NFAT5: variants seen among roughly 807,000 people sequenced by gnomAD.
The protein encoded by NFAT5 is nuclear factor of activated T cells 5.
In NFAT5, 31 loss-of-function variants were observed where a neutral mutation model predicts 166.5. The observed-to-expected ratio is 0.19, with a 90% CI of 0.14 to 0.25. The LOEUF (loss-of-function observed/expected upper bound fraction) is 0.25. Among genes scored for constraint, NFAT5 ranks in the 10% least tolerant of loss-of-function variants. NFAT5 has a pLI of 1.00. For synonymous variants in NFAT5, 612 were observed against 639.7 expected (o/e 0.96, Z 0.65); for missense variants, 1,449 against 1,821.8 (o/e 0.80, Z 3.72).
In NFAT5 at chr16:69,633,564, A is replaced by G. The variant is rs767767185; in HGVS notation, c.253+7036A>G. ...ATGGAACTGGAGGACATTAAGTGAAATAAGCCAGGAACAGAAAGTTAAACA... is the reference window on the plus strand; with the variant it reads ...ATGGAACTGGAGGACATTAAGTGAAGTAAGCCAGGAACAGAAAGTTAAACA... On this transcript the variant is annotated intron_variant, in intron 3 of 14. Coordinates refer to ENST00000349945, the MANE Select transcript of NFAT5 (RefSeq NM_138713.4). Among the ~76,000 whole-genome samples, 64 of 152,228 alleles carry G rather than the reference A, an allele frequency of 4.2e-4. 1 individual carries two copies. The highest frequency in any genetic ancestry group is 4.1e-3 in the Admixed American group (62 of 15,286).
intron 3 of NFAT5, among the ~76,000 whole-genome samples, chr16:69,641,401 A>G (rs578031925): frequency 6.6e-6 from 1 of 152,182 alleles, no homozygotes; most frequent in African/African-American, 2.4e-5. Flanking sequence ...CACTCTTGCA[A>G]AATTTTATGG....
chr16:69,653,531 C>T (rs2035758362), intron 5 of NFAT5, 103 bp downstream of exon 5: 1 of 669,004 alleles, frequency 1.5e-6, no homozygotes, highest in Non-Finnish European at 2.3e-6. Flanking sequence ...TTTCTTCCCT[C>T]ATATTTGATA....
chr16:69,651,107 A>C (rs2035647408), intron 4 of NFAT5, among the ~76,000 whole-genome samples: 1 of 152,214 alleles, frequency 6.6e-6, no homozygotes, highest in African/African-American at 2.4e-5. Context: ...TTCCTTGTCC[A>C]GTTAGGATCT....
intron 2 of NFAT5, among the ~76,000 whole-genome samples, chr16:69,593,477 ATT>A (rs59070063): frequency 5.3e-4 from 77 of 145,624 alleles, no homozygotes; most frequent in East Asian, 7.9e-4. Context: ...GGCCCAGCTA[ATT>A]TTTTTTTTTT....
At chr16:69,635,889 A>T (rs1447889829) in intron 3 of NFAT5, among the ~76,000 whole-genome samples, 1 of 152,074 alleles carries the variant, frequency 6.6e-6, no homozygotes, top group Non-Finnish European at 1.5e-5. Flanking sequence ...TCACATTTCA[A>T]ACCCAGTCAT....
At position 69,647,963 on chromosome 16, in the gene NFAT5, GGAGTTCGA is replaced by G. The variant is rs1268884101; in HGVS notation, c.812+380_812+387del. 6.6e-6 allele frequency among the ~76,000 whole-genome samples: 1 copy of G among 151,984 alleles called. No homozygotes were observed. Among genetic ancestry groups the G allele is most frequent in the Non-Finnish European group, 1.5e-5 (1 of 67,986 alleles). On this transcript the variant is annotated intron_variant, in intron 4 of 14. Coordinates refer to ENST00000349945, the MANE Select transcript of NFAT5 (RefSeq NM_138713.4). This position sits in a 1 kb window ranked among gnomAD's most constrained non-coding sequence, Gnocchi z 4.8. ...GAGGCGGGCGGATCACCTGAGGTCA[GGAGTTCGA>G]GACCAGCCTGACCAACATGGTGAAA...
chr16:69,595,666 T>C lies in NFAT5; in HGVS notation c.127+27118T>C, dbSNP rs147375808. On this transcript the variant is annotated intron_variant, in intron 2 of 14. Transcript: ENST00000349945. ...AGAAGACTCATTCTTACCGTAGATCTTAGCAGCCTCAGCATACGATTTTTT... is the reference window on the plus strand; with the variant it reads ...AGAAGACTCATTCTTACCGTAGATCCTAGCAGCCTCAGCATACGATTTTTT... Among the ~76,000 whole-genome samples the C allele has an allele frequency of 6.1e-3, 927 of 152,344 alleles. 24 individuals are homozygous for C. The highest frequency in any genetic ancestry group is 0.054 in the Admixed American group (829 of 15,292).
intron 1 of NFAT5, among the ~76,000 whole-genome samples, chr16:69,568,262 G>C (rs148872708): frequency 3.3e-5 from 5 of 152,094 alleles, no homozygotes; most frequent in African/African-American, 7.2e-5. Context: ...GGAGGTTGCG[G>C]TGAGCCGAGA....
At chr16:69,643,438 G>A (rs930963933) in intron 3 of NFAT5, among the ~76,000 whole-genome samples, 2 of 142,220 alleles carry the variant, frequency 1.4e-5, no homozygotes, top group Non-Finnish European at 3.0e-5. Context: ...ATTTTAATAG[G>A]ATATTAAGGA....
chr16:69,662,487 C>T (rs1485284290), intron 7 of NFAT5, among the ~76,000 whole-genome samples: 3 of 125,484 alleles, frequency 2.4e-5, no homozygotes, highest in Admixed American at 9.5e-5. Context: ...GACGGAGTCT[C>T]GCTCTGTTGC....
In NFAT5 at chr16:69,698,814, C is replaced by A. The variant is rs185562926; in HGVS notation, c.*2463C>A. ...ATTCTATGCCTTTTATTTATAAAGACACTAAGAAAACCCATGTTTGTAATT... is the reference window on the plus strand; with the variant it reads ...ATTCTATGCCTTTTATTTATAAAGAAACTAAGAAAACCCATGTTTGTAATT... On this transcript the variant is annotated 3_prime_UTR_variant, in exon 15 of 15. Transcript: ENST00000349945. 148 of 152,644 alleles carry A rather than the reference C, an allele frequency of 9.7e-4. 2 individuals are homozygous for A. Among genetic ancestry groups the A allele is most frequent in the Non-Finnish European group, 1.7e-3 (119 of 68,004 alleles). The allele number at this position is 152,644 out of a possible 1,614,324, so 9.5% of individuals were successfully genotyped here. A position where few individuals can be genotyped will look rare whatever the true frequency, so the allele number is the denominator to read the frequency against.
At chr16:69,657,487 G>A (rs983608047) in intron 6 of NFAT5, among the ~76,000 whole-genome samples, 1 of 151,098 alleles carries the variant, frequency 6.6e-6, no homozygotes, top group Non-Finnish European at 1.5e-5. Flanking sequence ...GGCTGGGCAC[G>A]CAGTGGCTCA....
chr16:69,610,174 A>C (rs2033642116), intron 2 of NFAT5, among the ~76,000 whole-genome samples: 2 of 152,312 alleles, frequency 1.3e-5, no homozygotes, highest in South Asian at 4.1e-4. Flanking sequence ...GATTTTTGTT[A>C]ATCAGAAAAT....
At chr16:69,611,771 T>C (rs763289701) in intron 2 of NFAT5, among the ~76,000 whole-genome samples, 1 of 152,228 alleles carries the variant, frequency 6.6e-6, no homozygotes, top group African/African-American at 2.4e-5. Flanking sequence ...CTCTTAACAC[T>C]ATTACATTGG....
rs1052562059 is a variant in NFAT5 at position 69,692,809 on chromosome 16, C to T, written c.2984C>T (p.Pro995Leu). The change falls in exon 13 of 15, where the codon CCT (proline) becomes CTT (leucine). Residue 995 changes from proline to leucine, a missense_variant. Physicochemically the swap from Pro to Leu is moderately conservative, Grantham distance 98 (BLOSUM62 -3). Transcript: ENST00000349945. ...ACTACCACACAGCAGGTTGCAACCCCTGGCACTACCATGTTTCAGACATCA... is the reference window on the plus strand; with the variant it reads ...ACTACCACACAGCAGGTTGCAACCCTTGGCACTACCATGTTTCAGACATCA... ...STTTTQQVATPGTTMFQTSSS... is the reference protein window; with the variant it reads ...STTTTQQVATLGTTMFQTSSS... 7 of 1,614,226 alleles carry T rather than the reference C, an allele frequency of 4.3e-6. No homozygotes were observed. The highest frequency in any genetic ancestry group is 5.1e-6 in the Non-Finnish European group (6 of 1,180,040).
chr16:69,684,469 A>C (rs1026519169), intron 10 of NFAT5, among the ~76,000 whole-genome samples: 2 of 151,788 alleles, frequency 1.3e-5, no homozygotes, highest in African/African-American at 4.8e-5. Flanking sequence ...GCTGAGGCAG[A>C]GAATTGCTTG....
chr16:69,700,929 C>G lies in NFAT5; in HGVS notation c.*4578C>G, dbSNP rs2037886774. 1 of 151,622 alleles carries G rather than the reference C, an allele frequency of 6.6e-6. No individual in the cohort carries two copies. Among genetic ancestry groups the G allele is most frequent in the Admixed American group, 6.6e-5 (1 of 15,104 alleles). 9.4% of individuals were successfully genotyped at this position (151,622 alleles called of 1,614,324 possible). ...TATCATTTGTGGATGGTCCCAGGTC[C>G]CAGTGCTCTAGTTACTTTACTTCTT... On this transcript the variant is annotated 3_prime_UTR_variant, in exon 15 of 15. Coordinates refer to ENST00000349945, the MANE Select transcript of NFAT5 (RefSeq NM_138713.4).
chr16:69,585,548 A>G (rs949254534), intron 2 of NFAT5, among the ~76,000 whole-genome samples: 3 of 152,182 alleles, frequency 2.0e-5, no homozygotes, highest in South Asian at 2.1e-4. Context: ...ATTATTTACA[A>G]TAGCCAAAAG....
Position 69,605,729 on chromosome 16 carries a change from C to T in NFAT5, c.128-20674C>T, listed in dbSNP as rs539768241. Among the ~76,000 whole-genome samples the T allele has an allele frequency of 6.0e-3, 895 of 149,686 alleles. 16 individuals carry two copies. The highest frequency in any genetic ancestry group is 0.021 in the African/African-American group (844 of 40,756). ...CCTTTTTTCTTTTTTTTTTTTGAGA[C>T]GGAGTCTCGTTCTGTCGCCCAGGCA... On this transcript the variant is annotated intron_variant, in intron 2 of 14. Coordinates refer to ENST00000349945, the MANE Select transcript of NFAT5 (RefSeq NM_138713.4).
Sources: gnomAD v4.1 joint callset for allele counts (sites outside exome capture counted in the v4.1 genomes callset) on GRCh38, gnomAD v4.1.1 for gene constraint, Gnocchi (gnomAD v3.1) non-coding constraint, MANE v1.5 for transcripts, NCBI Gene and HGNC (gene_info 2026-07-23, HGNC 2026-07-21) for gene names.